Variants in ATP2B4 observed in about 807,000 individuals in gnomAD.
The protein encoded by ATP2B4 is plasma membrane calcium-transporting ATPase 4.
Under a neutral mutation model 110.3 loss-of-function variants are expected in ATP2B4, and 39 were observed. The observed-to-expected ratio is 0.35, with a 90% CI of 0.27 to 0.46. The LOEUF (loss-of-function observed/expected upper bound fraction) is 0.46, where lower values mean the gene tolerates loss of function less well. Ranked by LOEUF, ATP2B4 falls within the 20% of genes least tolerant of loss-of-function variation. ATP2B4 has a pLI of 1.00. For missense variants in ATP2B4, 1,135 were observed against 1,530.9 expected (o/e 0.74, Z 4.32); for synonymous variants, 538 against 571.7 (o/e 0.94, Z 0.84).
intron 20 of ATP2B4, among the ~76,000 whole-genome samples, chr1:203,735,002 CAAAAAAAAAAAA>C (rs35552196): frequency 1.8e-5 from 1 of 57,132 alleles, no homozygotes; most frequent in African/African-American, 7.6e-5. Context: ...GACTCCATCT[CAAAAAAAAAAAA>C]AAAAAAAAAA....
At position 203,698,278 on chromosome 1, in the gene ATP2B4, G is replaced by A. The variant is rs527399964; in HGVS notation, c.315G>A (p.Thr105=). The change falls in exon 3 of 21, where the codon ACG becomes ACA. Residue 105 remains threonine, a synonymous_variant. Coordinates refer to ENST00000357681, the MANE Select transcript of ATP2B4 (RefSeq NM_001684.5). ...ELVWEALQDV[T]LIILEIAAII... ...TGTGGGAAGCTCTTCAAGATGTCAC[G>A]CTTATCATCCTGGAGATTGCAGCCA... The A allele has an allele frequency of 2.5e-5, 40 of 1,614,090 alleles. No individual in the cohort carries two copies. The highest frequency in any genetic ancestry group is 2.1e-4 in the African/African-American group (16 of 75,014).
At chr1:203,650,799 A>G (rs938869939) in intron 1 of ATP2B4, among the ~76,000 whole-genome samples, 1 of 152,230 alleles carries the variant, frequency 6.6e-6, no homozygotes, top group Admixed American at 6.5e-5. Context: ...GCAGATCAGC[A>G]CTTCTGCCCC....
At chr1:203,653,951 G>T (rs1558017138) in intron 1 of ATP2B4, among the ~76,000 whole-genome samples, 1 of 144,276 alleles carries the variant, frequency 6.9e-6, no homozygotes. Context: ...TTTACAGCAT[G>T]GTTTGCCAAA....
intron 20 of ATP2B4, among the ~76,000 whole-genome samples, chr1:203,737,490 G>T (rs771677045): frequency 6.6e-6 from 1 of 152,156 alleles, no homozygotes; most frequent in Non-Finnish European, 1.5e-5. Flanking sequence ...AAAGGAGAAG[G>T]CACTGGGTTT....
chr1:203,647,295 G>A (rs1265958928), intron 1 of ATP2B4, among the ~76,000 whole-genome samples: 1 of 152,078 alleles, frequency 6.6e-6, no homozygotes, highest in Non-Finnish European at 1.5e-5. Context: ...AATTAGCCAG[G>A]TGTGGTGATG....
chr1:203,689,533 A>G (rs1665302596), intron 2 of ATP2B4, among the ~76,000 whole-genome samples: 1 of 152,172 alleles, frequency 6.6e-6, no homozygotes, highest in Admixed American at 6.5e-5. Flanking sequence ...TTGAATTTGG[A>G]TCTAAAAGAT....
chr1:203,701,868 C>T (rs181494151), intron 6 of ATP2B4, among the ~76,000 whole-genome samples, 176 bp from the exon 7 acceptor site: 1 of 152,296 alleles, frequency 6.6e-6, no homozygotes, highest in East Asian at 1.9e-4. Context: ...TTCATGACAG[C>T]CTCTAGCAAG....
rs986355987 is a variant in ATP2B4, at chr1:203,700,842, G to A, written c.820G>A (p.Val274Ile). The A allele has an allele frequency of 6.2e-7, 1 of 1,613,530 alleles. No homozygotes were observed. Among genetic ancestry groups the A allele is most frequent in the Non-Finnish European group, 8.5e-7 (1 of 1,179,722 alleles). The change falls in exon 6 of 21, where the codon GTT (valine) becomes ATT (isoleucine). Residue 274 changes from valine (V) to isoleucine (I), a missense_variant. Transcript: ENST00000357681. Reference protein sequence around the residue: ...EGSGRMVVTAVGVNSQTGIIL... With the variant: ...EGSGRMVVTAIGVNSQTGIIL... The stretch of plus-strand genomic sequence containing the variant: ...TTCTGGCCGGATGGTGGTGACAGCT[G>A]TTGGTGTCAACTCTCAGACTGGAAT...
intron 1 of ATP2B4, among the ~76,000 whole-genome samples, chr1:203,642,057 C>T (rs573623258): frequency 3.9e-5 from 6 of 152,170 alleles, no homozygotes; most frequent in Admixed American, 6.5e-5. Flanking sequence ...CCCTAACCCC[C>T]ACAGCCTACT....
At chr1:203,670,877 C>T (rs547255307) in intron 1 of ATP2B4, among the ~76,000 whole-genome samples, 23 of 152,306 alleles carry the variant, frequency 1.5e-4, no homozygotes, top group Admixed American at 8.5e-4. Flanking sequence ...CTCTCCTCCC[C>T]GTGGGGAGTG....
chr1:203,636,117 A>G (rs180940332), intron 1 of ATP2B4, among the ~76,000 whole-genome samples: 31 of 152,350 alleles, frequency 2.0e-4, no homozygotes, highest in Admixed American at 1.8e-3. Flanking sequence ...AGGCTGTAAG[A>G]GAAGAAATTC....
rs916477874 is a variant in ATP2B4, at chr1:203,670,229, A to G, written c.-464-12513A>G. On this transcript the variant is annotated intron_variant, in intron 1 of 20. Coordinates refer to ENST00000357681, the MANE Select transcript of ATP2B4 (RefSeq NM_001684.5). ...GTCTCACTGTGTCACCCAGGCTTGG[A>G]GTGCAGTGGCACGATCTCAGCTCAC... 2.2e-4 allele frequency among the ~76,000 whole-genome samples: 33 copies of G among 150,544 alleles called. No individual in the cohort carries two copies. The South Asian group carries it at 6.5e-3, about 29-fold the overall frequency.
intron 8 of ATP2B4, 82 bp from the exon 9 acceptor site, chr1:203,706,927 A>G (rs1249103386): frequency 3.3e-6 from 4 of 1,211,476 alleles, no homozygotes; most frequent in Non-Finnish European, 4.7e-6. Flanking sequence ...AACAAAGGCT[A>G]CAACTGATGC....
chr1:203,726,225 ACT>A (rs1307655377), intron 19 of ATP2B4, among the ~76,000 whole-genome samples: 1 of 150,716 alleles, frequency 6.6e-6, no homozygotes, highest in African/African-American at 2.4e-5. Flanking sequence ...CAAGAGTGAG[ACT>A]CTATGTCGAA....
At chr1:203,636,665 C>A (rs553156758) in intron 1 of ATP2B4, among the ~76,000 whole-genome samples, 5 of 152,146 alleles carry the variant, frequency 3.3e-5, no homozygotes, top group East Asian at 1.9e-4. Context: ...TGCTGTGTAA[C>A]CTTGATTGAA....
intron 1 of ATP2B4, among the ~76,000 whole-genome samples, chr1:203,656,048 G>A (rs537811244): frequency 7.2e-6 from 1 of 139,588 alleles, no homozygotes; most frequent in South Asian, 2.6e-4. Flanking sequence ...GGGATTACAT[G>A]TGCCACCACG....
intron 2 of ATP2B4, among the ~76,000 whole-genome samples, chr1:203,695,257 CA>C (rs1210548150): frequency 3.9e-5 from 6 of 152,230 alleles, no homozygotes; most frequent in Non-Finnish European, 8.8e-5. Flanking sequence ...ACAGCAGACC[CA>C]ACTTGGCACA....
chr1:203,691,107 G>A (rs1665360274), intron 2 of ATP2B4, among the ~76,000 whole-genome samples: 1 of 152,186 alleles, frequency 6.6e-6, no homozygotes, highest in South Asian at 2.1e-4. Context: ...GGGTCAGAGG[G>A]ATCTTCACGA....
intron 2 of ATP2B4, among the ~76,000 whole-genome samples, chr1:203,695,371 C>T (rs1237891525): frequency 2.0e-5 from 3 of 152,220 alleles, no homozygotes; most frequent in Non-Finnish European, 4.4e-5. Flanking sequence ...CTGCCCAGAA[C>T]ACTCCTTTCC....
Sources: gnomAD v4.1 joint callset for allele counts (sites outside exome capture counted in the v4.1 genomes callset) on GRCh38, gnomAD v4.1.1 for gene constraint, MANE v1.5 for transcripts, NCBI Gene and HGNC (gene_info 2026-07-23, HGNC 2026-07-21) for gene names.